Variants in MAD1L1 observed in about 807,000 individuals in gnomAD.
MAD1L1 encodes mitotic spindle assembly checkpoint protein MAD1.
MAD1L1 carries 95 observed loss-of-function variants against 96.9 expected under a neutral mutation model. The ratio of observed to expected loss-of-function variants is 0.98; its 90% CI spans 0.83 to 1.16. MAD1L1 has a LOEUF of 1.16. MAD1L1 is among the 50% of genes most tolerant of loss of function. The pLI is 0.00. For synonymous variants in MAD1L1, 473 were observed against 396.6 expected (o/e 1.19, Z -2.29); for missense variants, 1,007 against 954.4 (o/e 1.06, Z -0.73).
intron 11 of MAD1L1, among the ~76,000 whole-genome samples, chr7:2,076,307 C>A (rs950235976): frequency 6.6e-6 from 1 of 152,216 alleles, no homozygotes; most frequent in Non-Finnish European, 1.5e-5. Flanking sequence ...GGCATTCGGT[C>A]CTGAGGGCGG....
chr7:1,954,850 C>G (rs1404158081), intron 16 of MAD1L1, among the ~76,000 whole-genome samples: 1 of 152,138 alleles, frequency 6.6e-6, no homozygotes, highest in Non-Finnish European at 1.5e-5. Flanking sequence ...GATGGGAGGG[C>G]TTGCAGTCCA....
chr7:2,221,634 T>C (rs1793615780), intron 5 of MAD1L1, among the ~76,000 whole-genome samples: 1 of 152,160 alleles, frequency 6.6e-6, no homozygotes, highest in African/African-American at 2.4e-5. Flanking sequence ...GTCTGGGCTG[T>C]TTCTAAAATG....
chr7:2,072,587 C>G (rs1281758063), intron 11 of MAD1L1, among the ~76,000 whole-genome samples: 4 of 152,226 alleles, frequency 2.6e-5, no homozygotes, highest in African/African-American at 7.2e-5. Context: ...TCTTGAATCA[C>G]TGAATTCAGG....
chr7:2,144,163 T>C (rs1018363393), intron 11 of MAD1L1, among the ~76,000 whole-genome samples: 3 of 152,188 alleles, frequency 2.0e-5, no homozygotes, highest in Non-Finnish European at 4.4e-5. Flanking sequence ...CCCAGCTGTT[T>C]AGCCCGGGGC....
chr7:2,090,884 C>G (rs950649936), intron 11 of MAD1L1, among the ~76,000 whole-genome samples: 1 of 152,184 alleles, frequency 6.6e-6, no homozygotes, highest in South Asian at 2.1e-4. Flanking sequence ...CCTGGCCTAC[C>G]CTAGGGGGAT....
At chr7:2,137,303 C>T (rs1248510053) in intron 11 of MAD1L1, among the ~76,000 whole-genome samples, 5 of 152,210 alleles carry the variant, frequency 3.3e-5, no homozygotes, top group African/African-American at 1.2e-4. Context: ...ATTCTACTAC[C>T]ACCTTTTGGG....
chr7:1,910,188 C>T (rs956586260), intron 17 of MAD1L1, among the ~76,000 whole-genome samples: 8 of 152,120 alleles, frequency 5.3e-5, no homozygotes, highest in East Asian at 1.9e-4. Flanking sequence ...CCCCCTCCCC[C>T]GGCACCAGGC....
At chr7:1,949,323 C>A (rs1691821413) in intron 16 of MAD1L1, among the ~76,000 whole-genome samples, 1 of 152,214 alleles carries the variant, frequency 6.6e-6, no homozygotes, top group Non-Finnish European at 1.5e-5. Flanking sequence ...CTCTGCCGGG[C>A]ACGCAAGCAT....
At chr7:1,988,055 G>A (rs1781237964) in intron 14 of MAD1L1, among the ~76,000 whole-genome samples, 1 of 152,370 alleles carries the variant, frequency 6.6e-6, no homozygotes, top group East Asian at 1.9e-4. Context: ...AGGCCCATGA[G>A]AGGCGAGGAG....
chr7:1,935,710 T>A (rs1778558414), intron 17 of MAD1L1, among the ~76,000 whole-genome samples: 1 of 152,194 alleles, frequency 6.6e-6, no homozygotes, highest in South Asian at 2.1e-4. Flanking sequence ...CAGGGCGCGA[T>A]GGCAAGTAGG....
intron 16 of MAD1L1, among the ~76,000 whole-genome samples, chr7:1,939,377 C>T (rs979927039): frequency 6.6e-6 from 1 of 152,232 alleles, no homozygotes; most frequent in African/African-American, 2.4e-5. Flanking sequence ...CACACGCACA[C>T]ACACGGGCCA....
chr7:2,211,172 C>T (rs1792926243), intron 10 of MAD1L1, among the ~76,000 whole-genome samples: 2 of 152,160 alleles, frequency 1.3e-5, no homozygotes, highest in South Asian at 4.1e-4. Flanking sequence ...CCACCTCCAC[C>T]AGCCCTACAG....
At chr7:2,227,717 G>A (rs1014158085) in intron 3 of MAD1L1, among the ~76,000 whole-genome samples, 4 of 152,140 alleles carry the variant, frequency 2.6e-5, no homozygotes, top group African/African-American at 7.2e-5. Context: ...CTGTTTGGGC[G>A]TTCCTAAGAC....
In MAD1L1 at chr7:2,187,489, G is replaced by A. The variant is rs535483055; in HGVS notation, c.986+25723C>T. The stretch of plus-strand genomic sequence containing the variant: ...AACCAGGGGCACCACGTGGGGTCTC[G>A]CTATGCTGCCCAGGCTGGACTGCAA... On this transcript the variant is annotated intron_variant, in intron 10 of 18. Coordinates refer to ENST00000265854, the MANE Select transcript of MAD1L1 (RefSeq NM_001013836.2). Among the ~76,000 whole-genome samples, 12 of 152,298 alleles carry A rather than the reference G, an allele frequency of 7.9e-5. No homozygotes were observed. In the East Asian group the frequency reaches 2.1e-3, roughly 27 times the overall value.
intron 11 of MAD1L1, among the ~76,000 whole-genome samples, chr7:2,091,503 C>G (rs1046623244): frequency 2.0e-5 from 3 of 152,214 alleles, no homozygotes. Flanking sequence ...TGGCCGGACA[C>G]GGTAGCTCAC....
rs527727715 is a variant in MAD1L1 at position 2,136,539 on chromosome 7, C to T, written c.1073+12613G>A. 7.3e-4 allele frequency among the ~76,000 whole-genome samples: 111 copies of T among 152,344 alleles called. 1 individual carries two copies. Among genetic ancestry groups the T allele is most frequent in the African/African-American group, 2.5e-3 (105 of 41,580 alleles). ...CCCTCCCAGGTCTATGGCACCAACT[C>T]GAGCTCAGGATGCTGGCAACACCAA... On this transcript the variant is annotated intron_variant, in intron 11 of 18. Coordinates refer to ENST00000265854, the MANE Select transcript of MAD1L1 (RefSeq NM_001013836.2).
At chr7:2,216,585 AGAGTGACCCTCGCAT>A (rs1450242800) in intron 7 of MAD1L1, among the ~76,000 whole-genome samples, 6 of 152,180 alleles carry the variant, frequency 3.9e-5, no homozygotes, top group Non-Finnish European at 5.9e-5. Context: ...TCCCACTCCA[AGAGTGACCCTCGCAT>A]GACCCGTGGA....
At chr7:2,034,212 A>C (rs1193992315) in intron 12 of MAD1L1, among the ~76,000 whole-genome samples, 1 of 150,384 alleles carries the variant, frequency 6.6e-6, no homozygotes, top group Non-Finnish European at 1.5e-5. Flanking sequence ...ATTTCCAATA[A>C]AGAGTCTCCT....
intron 14 of MAD1L1, 68 bp from the exon 15 acceptor site, chr7:1,980,609 C>A (rs1562580759): frequency 1.5e-6 from 2 of 1,342,052 alleles, no homozygotes; most frequent in Non-Finnish European, 2.1e-6. Flanking sequence ...GAACCCCAGC[C>A]CAGGCCCCTG....
Sources: allele counts gnomAD v4.1 joint callset (sites outside exome capture counted in the v4.1 genomes callset), GRCh38; gene constraint gnomAD v4.1.1; transcripts MANE v1.5; gene names NCBI Gene and HGNC (gene_info 2026-07-23, HGNC 2026-07-21).